Variants in SUPT3H observed in about 807,000 individuals in gnomAD.
The protein encoded by SUPT3H is SPT3 homolog, SAGA and STAGA complex component.
In SUPT3H, 44 loss-of-function variants were observed where a neutral mutation model predicts 44.3. That is an observed-to-expected ratio of 0.99 (90% confidence interval 0.78 to 1.28). The LOEUF is 1.28. Among genes scored for constraint, SUPT3H ranks in the 50% most tolerant of loss-of-function variants. The pLI is 0.00. For synonymous variants in SUPT3H, 124 were observed against 125.6 expected, an observed-to-expected ratio of 0.99 and a Z score of 0.09; for missense variants, 380 against 387.1, an observed-to-expected ratio of 0.98 and a Z score of 0.15.
chr6:45,128,449 G>A (rs1802776768), intron 2 of SUPT3H, among the ~76,000 whole-genome samples: 1 of 133,986 alleles, frequency 7.5e-6, no homozygotes, highest in African/African-American at 2.9e-5. Flanking sequence ...AGGTTGCAGT[G>A]AGCCGAGATT....
At chr6:45,133,349 T>C (rs1803777223) in intron 2 of SUPT3H, among the ~76,000 whole-genome samples, 1 of 152,210 alleles carries the variant, frequency 6.6e-6, no homozygotes, top group African/African-American at 2.4e-5. Context: ...GCAGAACTGT[T>C]CTTTCAAATA....
chr6:45,058,927 C>A (rs1268462143), intron 3 of SUPT3H, among the ~76,000 whole-genome samples: 1 of 152,042 alleles, frequency 6.6e-6, no homozygotes, highest in African/African-American at 2.4e-5. Context: ...GTTTTTGATG[C>A]TTTAAGTAGG....
chr6:44,984,334 C>G (rs753793711), intron 6 of SUPT3H, among the ~76,000 whole-genome samples: 1 of 152,016 alleles, frequency 6.6e-6, no homozygotes, highest in African/African-American at 2.4e-5. Context: ...TAAAGCATAG[C>G]TCAACAAGGA....
chr6:45,210,993 C>A (rs1160779296), intron 2 of SUPT3H, among the ~76,000 whole-genome samples: 1 of 152,090 alleles, frequency 6.6e-6, no homozygotes, highest in Non-Finnish European at 1.5e-5. Flanking sequence ...AGCACCAGTC[C>A]CAAAAGTTTT....
rs142257613 is a variant in SUPT3H, at chr6:44,929,747, G to A, written c.912+2906C>T. On this transcript the variant is annotated intron_variant, in intron 10 of 10. Transcript: ENST00000371459. Reference sequence around the variant, plus strand: ...GTGAACATCAGCATCCCCAATCATGGTAAGTTTCTACCATGAGCTCCCTTT... The same window carrying A: ...GTGAACATCAGCATCCCCAATCATGATAAGTTTCTACCATGAGCTCCCTTT... Among the ~76,000 whole-genome samples the A allele has an allele frequency of 2.3e-3, 343 of 149,548 alleles. 1 individual carries two copies. Among genetic ancestry groups the A allele is most frequent in the African/African-American group, 7.7e-3 (314 of 40,672 alleles).
intron 2 of SUPT3H, among the ~76,000 whole-genome samples, chr6:45,251,760 C>T (rs960844504): frequency 1.3e-5 from 2 of 152,080 alleles, no homozygotes; most frequent in African/African-American, 4.8e-5. Flanking sequence ...GTGCTAGTTT[C>T]ATTTTACCAT....
intron 2 of SUPT3H, chr6:45,322,989 A>C: frequency 2.0e-6 from 3 of 1,494,632 alleles, no homozygotes; most frequent in East Asian, 2.3e-5. Flanking sequence ...AAAACTTCAA[A>C]CAATTAAGCA....
intron 3 of SUPT3H, among the ~76,000 whole-genome samples, chr6:45,025,879 T>C (rs1785915719): frequency 1.5e-5 from 1 of 68,946 alleles, no homozygotes. Context: ...CGAGACTCCG[T>C]CTCAAAAAAA....
At position 44,829,286 on chromosome 6, in the gene SUPT3H, G is replaced by C. The variant is rs1768196921; in HGVS notation, c.*530C>G. 6.6e-6 allele frequency: 1 copy of C among 152,270 alleles called. No homozygotes were observed. The highest frequency in any genetic ancestry group is 1.9e-4 in the East Asian group (1 of 5,196). 9.4% of individuals were successfully genotyped at this position (152,270 alleles called of 1,614,324 possible). On this transcript the variant is annotated 3_prime_UTR_variant, in exon 11 of 11. Transcript: ENST00000371459. ...AAGGGGAAAGGAGGTGGGAACAGGT[G>C]ATTTATCAGGTCTGTTAGATCTTTG...
intron 2 of SUPT3H, among the ~76,000 whole-genome samples, chr6:45,175,722 T>G (rs919738648): frequency 6.8e-6 from 1 of 146,194 alleles, no homozygotes; most frequent in Non-Finnish European, 1.5e-5. Flanking sequence ...TAAAAAAAAA[T>G]GGTAATTTTT....
intron 9 of SUPT3H, among the ~76,000 whole-genome samples, chr6:44,938,190 A>AT (rs1317438584): frequency 2.6e-5 from 4 of 151,178 alleles, no homozygotes; most frequent in South Asian, 2.1e-4. Context: ...TACTTTGAGT[A>AT]TCTTTTTATA....
At chr6:44,862,364 GC>G (rs1774787724) in intron 10 of SUPT3H, among the ~76,000 whole-genome samples, 1 of 151,728 alleles carries the variant, frequency 6.6e-6, no homozygotes, top group Non-Finnish European at 1.5e-5. Context: ...TGAAGGATTC[GC>G]ACATTACACC....
At chr6:44,825,430 T>G (rs1406809187), downstream of SUPT3H, among the ~76,000 whole-genome samples, 1 of 152,172 alleles carries the variant, frequency 6.6e-6, no homozygotes, top group East Asian at 1.9e-4. Context: ...AAATCTCTAC[T>G]CCAGTACAGT....
At chr6:45,300,932 C>A (rs1782053877) in intron 2 of SUPT3H, among the ~76,000 whole-genome samples, 1 of 152,060 alleles carries the variant, frequency 6.6e-6, no homozygotes, top group Non-Finnish European at 1.5e-5. Flanking sequence ...TAAAGACTAG[C>A]CTCAACCTGA....
At chr6:44,983,826 T>C (rs1189691108) in intron 6 of SUPT3H, among the ~76,000 whole-genome samples, 2 of 152,242 alleles carry the variant, frequency 1.3e-5, no homozygotes, top group African/African-American at 4.8e-5. Context: ...AAGTACACTT[T>C]ACTTTCTCTC....
At chr6:44,941,909 T>C (rs1003706024) in intron 9 of SUPT3H, among the ~76,000 whole-genome samples, 2 of 152,100 alleles carry the variant, frequency 1.3e-5, no homozygotes, top group Non-Finnish European at 2.9e-5. Context: ...AGTGTATAAA[T>C]GAGTAGAAAA....
At chr6:45,061,146 T>C (rs972814315) in intron 3 of SUPT3H, among the ~76,000 whole-genome samples, 9 of 152,090 alleles carry the variant, frequency 5.9e-5, no homozygotes, top group African/African-American at 1.9e-4. Flanking sequence ...TACATGCATG[T>C]TTATGTTCAC....
At chr6:44,995,805 T>C (rs1475785960) in intron 6 of SUPT3H, among the ~76,000 whole-genome samples, 1 of 151,906 alleles carries the variant, frequency 6.6e-6, no homozygotes, top group Non-Finnish European at 1.5e-5. Flanking sequence ...GGAAATCAAA[T>C]GAGGATTAAG....
At chr6:44,813,045 G>C (rs1050916744) in intron 11 of SUPT3H, among the ~76,000 whole-genome samples, 1 of 152,088 alleles carries the variant, frequency 6.6e-6, no homozygotes, top group African/African-American at 2.4e-5. Context: ...AGGGTTGAAG[G>C]GGCCTGGTAA....
Sources: gnomAD v4.1 joint callset for allele counts (sites outside exome capture counted in the v4.1 genomes callset) on GRCh38, gnomAD v4.1.1 for gene constraint, MANE v1.5 for transcripts, NCBI Gene and HGNC (gene_info 2026-07-23, HGNC 2026-07-21) for gene names.